The following GLRA2 variants were observed in gnomAD, a reference collection of about 807,000 sequenced individuals.
The protein encoded by GLRA2 is glycine receptor alpha 2.
GLRA2 carries 11 observed loss-of-function variants against 31.6 expected under a neutral mutation model. The ratio of observed to expected loss-of-function variants is 0.35; its 90% CI spans 0.22 to 0.58. The LOEUF (loss-of-function observed/expected upper bound fraction) is 0.58, where lower values mean the gene tolerates loss of function less well. Ranked by LOEUF, GLRA2 falls within the 20% of genes least tolerant of loss-of-function variation. The pLI, the probability that GLRA2 is intolerant of heterozygous loss-of-function variation, is 0.84. For synonymous variants in GLRA2, 132 were observed against 134.0 expected (o/e 0.99, Z 0.10); for missense variants, 212 against 351.8 (o/e 0.60, Z 3.18).
chrX:14,627,901 T>C (rs1601780612), intron 7 of GLRA2, among the ~76,000 whole-genome samples: 1 of 112,230 alleles, frequency 8.9e-6, no homozygotes, highest in Middle Eastern at 4.6e-3. Context: ...ACTTTGTTAG[T>C]TCCAAACCGT....
intron 4 of GLRA2, among the ~76,000 whole-genome samples, chrX:14,596,274 T>A (rs2090202307): frequency 9.0e-6 from 1 of 111,488 alleles, no homozygotes; most frequent in Non-Finnish European, 1.9e-5. Flanking sequence ...CACTGGCATG[T>A]GTTAAAAGGC....
At chrX:14,578,373 G>T (rs2089979740) in intron 3 of GLRA2, among the ~76,000 whole-genome samples, 1 of 112,325 alleles carries the variant, frequency 8.9e-6, no homozygotes, top group Admixed American at 9.4e-5. Context: ...GTTAGTGTCA[G>T]AGATGTGTAC....
the GLRA2 span, among the ~76,000 whole-genome samples, chrX:14,451,490 C>A: frequency 9.2e-6 from 1 of 108,827 alleles, no homozygotes; most frequent in Non-Finnish European, 1.9e-5. Flanking sequence ...ATTAGCCAAG[C>A]AAGGCAGTGT....
intron 2 of GLRA2, among the ~76,000 whole-genome samples, chrX:14,561,179 A>G (rs1190911199): frequency 1.8e-5 from 2 of 112,233 alleles, no homozygotes; most frequent in African/African-American, 6.5e-5. Context: ...TCTGGCTCCG[A>G]GGCCATCATT....
chrX:14,553,250 A>C (rs2089591829), intron 2 of GLRA2, among the ~76,000 whole-genome samples: 1 of 111,989 alleles, frequency 8.9e-6, no homozygotes, highest in South Asian at 3.8e-4. Flanking sequence ...TGCAATAAAG[A>C]GCAATTATGC....
chrX:14,471,262 T>C, the GLRA2 span, among the ~76,000 whole-genome samples: 1 of 112,048 alleles, frequency 8.9e-6, no homozygotes, highest in East Asian at 2.8e-4. Flanking sequence ...TGTGTTTCCC[T>C]GATTGATGGT....
intron 8 of GLRA2, among the ~76,000 whole-genome samples, chrX:14,725,103 C>T (rs919992528): frequency 8.9e-6 from 1 of 111,881 alleles, no homozygotes; most frequent in Admixed American, 9.5e-5. Context: ...CATAACTTTT[C>T]TTGGCCTCAG....
intron 7 of GLRA2, among the ~76,000 whole-genome samples, chrX:14,628,442 AAGTG>A (rs1482046903): frequency 9.0e-6 from 1 of 111,467 alleles, no homozygotes; most frequent in African/African-American, 3.3e-5. Flanking sequence ...GGGCATACAG[AAGTG>A]AGTAAGACAG....
the GLRA2 span, among the ~76,000 whole-genome samples, chrX:14,483,360 T>G: frequency 8.9e-6 from 1 of 112,348 alleles, no homozygotes; most frequent in Non-Finnish European, 1.9e-5. Flanking sequence ...AACTACTTGC[T>G]ACCTGTGTGA....
intron 4 of GLRA2, among the ~76,000 whole-genome samples, chrX:14,602,605 G>A (rs760001290): frequency 3.6e-5 from 4 of 110,188 alleles, no homozygotes; most frequent in African/African-American, 9.9e-5. Flanking sequence ...TTGAGTCCCC[G>A]AAGTCCACTG....
At chrX:14,605,828 A>G (rs2090327376) in intron 5 of GLRA2, among the ~76,000 whole-genome samples, 1 of 111,396 alleles carries the variant, frequency 9.0e-6, no homozygotes, top group South Asian at 3.8e-4. Context: ...GACTGACAAG[A>G]ACTTTTATTG....
chrX:14,568,585 C>T (rs758371137), intron 2 of GLRA2, among the ~76,000 whole-genome samples: 3 of 107,391 alleles, frequency 2.8e-5, no homozygotes, highest in African/African-American at 1.0e-4. Context: ...CCCAGCTACT[C>T]GGGGGGCTGA....
intron 8 of GLRA2, among the ~76,000 whole-genome samples, chrX:14,710,365 C>T (rs1474992980): frequency 8.9e-6 from 1 of 111,902 alleles, no homozygotes; most frequent in Non-Finnish European, 1.9e-5. Context: ...TTGCTTGAAG[C>T]CTCTAGGCTA....
At chrX:14,696,987 C>T (rs973992098) in intron 8 of GLRA2, among the ~76,000 whole-genome samples, 5 of 110,478 alleles carry the variant, frequency 4.5e-5, no homozygotes, top group Non-Finnish European at 3.8e-5. Context: ...TAATTATCAC[C>T]GATGGTTGAA....
chrX:14,612,899 A>G (rs1390790108), intron 7 of GLRA2, among the ~76,000 whole-genome samples: 1 of 109,718 alleles, frequency 9.1e-6, no homozygotes, highest in Non-Finnish European at 1.9e-5. Context: ...GGGTGCAGCA[A>G]ACCACCATGG....
chrX:14,535,573 A>G (rs1281070281), intron 2 of GLRA2, among the ~76,000 whole-genome samples: 3 of 112,483 alleles, frequency 2.7e-5, no homozygotes, highest in Non-Finnish European at 5.6e-5. Flanking sequence ...AATTTTATCT[A>G]TAAGATCCAT....
chrX:14,576,056 T>C (rs753971779), intron 3 of GLRA2, among the ~76,000 whole-genome samples: 4 of 101,694 alleles, frequency 3.9e-5, no homozygotes, highest in South Asian at 4.8e-4. Context: ...CATAATGCCA[T>C]TGAGAAGTAA....
chrX:14,639,941 T>C (rs2090755283), intron 7 of GLRA2, among the ~76,000 whole-genome samples: 1 of 112,074 alleles, frequency 8.9e-6, no homozygotes, highest in Non-Finnish European at 1.9e-5. Context: ...AGAACAAGTA[T>C]ATTTCATATG....
chrX:14,459,194 G>A, the GLRA2 span, among the ~76,000 whole-genome samples: 59 of 111,067 alleles, frequency 5.3e-4, no homozygotes, highest in African/African-American at 1.6e-3. Context: ...GATATGCAGC[G>A]CTATTTCTGA....
Sources: allele counts gnomAD v4.1 joint callset (sites outside exome capture counted in the v4.1 genomes callset), GRCh38; gene constraint gnomAD v4.1.1; transcripts MANE v1.5; gene names NCBI Gene and HGNC (gene_info 2026-07-23, HGNC 2026-07-21).